Variants in DOCK8 observed in about 807,000 individuals in gnomAD.
DOCK8 encodes the protein dedicator of cytokinesis 8, also known as dedicator of cytokinesis protein 8.
DOCK8 carries 141 observed loss-of-function variants against 245.6 expected under a neutral mutation model. The observed-to-expected ratio is 0.57, with a 90% CI of 0.50 to 0.66. The LOEUF (loss-of-function observed/expected upper bound fraction) is 0.66. DOCK8 is among the 30% of genes least tolerant of loss of function. The pLI is 0.00. For missense variants in DOCK8, 2,965 were observed against 2,603.4 expected, an observed-to-expected ratio of 1.14 and a Z score of -3.02; for synonymous variants, 1,168 against 970.2, an observed-to-expected ratio of 1.20 and a Z score of -3.79.
chr9:348,283 A>C (rs2052001967), intron 14 of DOCK8, among the ~76,000 whole-genome samples: 1 of 152,176 alleles, frequency 6.6e-6, no homozygotes, highest in South Asian at 2.1e-4. Flanking sequence ...TGTAAACCAC[A>C]GAATGTGCCG....
intron 20 of DOCK8, among the ~76,000 whole-genome samples, chr9:377,517 T>G (rs1413316618): frequency 6.6e-6 from 1 of 152,214 alleles, no homozygotes; most frequent in East Asian, 1.9e-4. Context: ...CTTGAAGATA[T>G]TTTTGTTTTC....
At chr9:449,113 G>T (rs1421539387) in intron 44 of DOCK8, among the ~76,000 whole-genome samples, 1 of 152,208 alleles carries the variant, frequency 6.6e-6, no homozygotes, top group Non-Finnish European at 1.5e-5. Flanking sequence ...CACTTTGGGA[G>T]GCCGAGGCAG....
At chr9:241,989 A>T (rs2047384438) in intron 1 of DOCK8, among the ~76,000 whole-genome samples, 1 of 152,222 alleles carries the variant, frequency 6.6e-6, no homozygotes, top group Non-Finnish European at 1.5e-5. Flanking sequence ...CTCCACAAAG[A>T]AGAGCAGCTT....
chr9:351,296 G>A (rs2052155592), intron 14 of DOCK8, among the ~76,000 whole-genome samples: 1 of 152,192 alleles, frequency 6.6e-6, no homozygotes, highest in Non-Finnish European at 1.5e-5. Context: ...TTTTTCTATA[G>A]TCTTGTTTCT....
intron 43 of DOCK8, among the ~76,000 whole-genome samples, chr9:445,925 C>T (rs146892485): frequency 0.01 from 1,540 of 152,330 alleles, 10 homozygotes; most frequent in Non-Finnish European, 0.016. Flanking sequence ...TTCCCACCCT[C>T]TGTGTATGAC....
At chr9:228,048 G>T (rs2047027386) in intron 1 of DOCK8, among the ~76,000 whole-genome samples, 1 of 152,074 alleles carries the variant, frequency 6.6e-6, no homozygotes, top group African/African-American at 2.4e-5. Flanking sequence ...AGGAAGTCAG[G>T]TTTCATAAGG....
In DOCK8 at chr9:332,500, T is replaced by C. The variant is rs374593737; in HGVS notation, c.1125+22T>C. ...AAAGGTATGGTAATTTGAGTGTTGT[T>C]AAATGGAGACATCTTAGAAGAAGCA... On this transcript the variant is annotated intron_variant, in intron 10 of 47. Coordinates refer to ENST00000432829, the MANE Select transcript of DOCK8 (RefSeq NM_203447.4). 15 of 1,540,538 alleles carry C rather than the reference T, an allele frequency of 9.7e-6. No individual in the cohort carries two copies. In the African/African-American group the frequency reaches 1.8e-4, roughly 18 times the overall value.
In DOCK8 at chr9:432,362, T is replaced by C. The variant is rs116701137; in HGVS notation, c.4785+38T>C. On this transcript the variant is annotated intron_variant, in intron 37 of 47. Transcript: ENST00000432829. ...ACATACCTTGTCTCATGCATGAGTT[T>C]GGGATCTGCCAACTATTGTGTATGT... 2.1e-3 allele frequency: 3,379 copies of C among 1,604,388 alleles called. 66 individuals carry two copies. The African/African-American group carries it at 0.039, about 19-fold the overall frequency.
At chr9:262,721 A>G (rs1396527294) in intron 1 of DOCK8, among the ~76,000 whole-genome samples, 3 of 152,068 alleles carry the variant, frequency 2.0e-5, no homozygotes, top group Non-Finnish European at 4.4e-5. Flanking sequence ...TATTGTAGTA[A>G]TGGTCTCATG....
At chr9:298,090 A>C (rs2049342638) in intron 4 of DOCK8, among the ~76,000 whole-genome samples, 1 of 152,188 alleles carries the variant, frequency 6.6e-6, no homozygotes, top group Admixed American at 6.5e-5. Flanking sequence ...TAGCCAAATA[A>C]ATTTGATGGT....
intron 43 of DOCK8, among the ~76,000 whole-genome samples, chr9:445,885 T>G (rs2057237949): frequency 6.6e-6 from 1 of 152,244 alleles, no homozygotes; most frequent in African/African-American, 2.4e-5. Flanking sequence ...GACCGCCAGC[T>G]TCTTCTGCAA....
chr9:220,577 C>G (rs933782892), intron 1 of DOCK8, among the ~76,000 whole-genome samples: 1 of 152,094 alleles, frequency 6.6e-6, no homozygotes, highest in Non-Finnish European at 1.5e-5. Context: ...ACTCAGACTT[C>G]TTGCTGAGAA....
At chr9:383,554 G>T (rs1448106683) in intron 22 of DOCK8, among the ~76,000 whole-genome samples, 1 of 152,026 alleles carries the variant, frequency 6.6e-6, no homozygotes, top group African/African-American at 2.4e-5. Context: ...CAAAACATTA[G>T]TTGGGCATGG....
chr9:461,052 G>A (rs1196655861), intron 46 of DOCK8, among the ~76,000 whole-genome samples: 5 of 152,208 alleles, frequency 3.3e-5, no homozygotes, highest in Admixed American at 1.3e-4. Context: ...CAAAACAAAA[G>A]GCAAAACTTC....
chr9:316,786 A>G (rs542823472), intron 6 of DOCK8, among the ~76,000 whole-genome samples: 1 of 152,294 alleles, frequency 6.6e-6, no homozygotes, highest in African/African-American at 2.4e-5. Flanking sequence ...CCATGTTCAC[A>G]TTTCCTTCCT....
In DOCK8 at chr9:400,965, C is replaced by T. The variant is rs1029248577; in HGVS notation, c.3234+1706C>T. ...ACCACCATCACCACCACCACCACCA[C>T]CTCCTCCACCATCACCACCTCCTCC... On this transcript the variant is annotated intron_variant, in intron 26 of 47. Coordinates refer to ENST00000432829, the MANE Select transcript of DOCK8 (RefSeq NM_203447.4). 4.5e-3 allele frequency among the ~76,000 whole-genome samples: 277 copies of T among 62,002 alleles called. 11 individuals carry two copies. The African/African-American group carries it at 0.066, about 15-fold the overall frequency. 40.7% of individuals were successfully genotyped at this position (62,002 alleles called of 152,430 possible).
At chr9:272,621 A>C (rs907813096) in intron 2 of DOCK8, among the ~76,000 whole-genome samples, 2 of 152,156 alleles carry the variant, frequency 1.3e-5, no homozygotes, top group African/African-American at 4.8e-5. Context: ...TCCTGGGCTC[A>C]AGCGATCCTC....
chr9:415,073 A>T, intron 29 of DOCK8, 122 bp downstream of exon 29: 2 of 1,394,136 alleles, frequency 1.4e-6, no homozygotes, highest in South Asian at 2.3e-5. Flanking sequence ...TCTTCACAAA[A>T]ATGGTCTCCA....
chr9:388,246 C>G (rs1031793555), intron 23 of DOCK8, among the ~76,000 whole-genome samples: 3 of 152,160 alleles, frequency 2.0e-5, no homozygotes, highest in African/African-American at 7.2e-5. Flanking sequence ...CTCAACCCCA[C>G]GCCTCTCTCA....
Sources: gnomAD v4.1 joint callset for allele counts (sites outside exome capture counted in the v4.1 genomes callset) on GRCh38, gnomAD v4.1.1 for gene constraint, MANE v1.5 for transcripts, NCBI Gene and HGNC (gene_info 2026-07-23, HGNC 2026-07-21) for gene names.